XKR4: variants seen among roughly 807,000 people sequenced by gnomAD.
The protein encoded by XKR4 is XK related 4, also known as XK-related protein 4.
A neutral mutation model predicts 53.9 loss-of-function variants in XKR4; 12 were observed. That is an observed-to-expected ratio of 0.22 (90% CI 0.14 to 0.36). The LOEUF is 0.36. Ranked by LOEUF, XKR4 falls within the 10% of genes least tolerant of loss-of-function variation. XKR4 has a pLI of 1.00. For missense variants in XKR4, 799 were observed against 859.5 expected (o/e 0.93, Z 0.88); for synonymous variants, 354 against 362.4 (o/e 0.98, Z 0.26).
chr8:55,244,573 G>T (rs573930311), intron 1 of XKR4, among the ~76,000 whole-genome samples: 1 of 152,116 alleles, frequency 6.6e-6, no homozygotes, highest in Non-Finnish European at 1.5e-5. Flanking sequence ...ATTCCTTTGC[G>T]TATATACCTA....
intron 2 of XKR4, among the ~76,000 whole-genome samples, chr8:55,522,252 A>C (rs1206207904): frequency 1.3e-5 from 2 of 152,262 alleles, no homozygotes; most frequent in African/African-American, 4.8e-5. Flanking sequence ...AATACCAACC[A>C]AATGGGACCA....
chr8:55,243,982 A>G (rs990065940), intron 1 of XKR4, among the ~76,000 whole-genome samples: 3 of 152,228 alleles, frequency 2.0e-5, no homozygotes, highest in African/African-American at 7.2e-5. Flanking sequence ...CATTTAGGAA[A>G]AAGTAGTCAG....
chr8:55,342,683 A>T (rs1803572264), intron 1 of XKR4, among the ~76,000 whole-genome samples: 1 of 152,144 alleles, frequency 6.6e-6, no homozygotes, highest in Admixed American at 6.6e-5. Flanking sequence ...TTAAACGAAG[A>T]GGGCTTGCTT....
intron 1 of XKR4, among the ~76,000 whole-genome samples, chr8:55,245,821 G>A (rs1442970167): frequency 1.3e-5 from 2 of 152,122 alleles, no homozygotes; most frequent in Non-Finnish European, 2.9e-5. Context: ...TAGGCTGGGT[G>A]CCATGGCTCA....
At chr8:55,168,242 T>C (rs528110661) in intron 1 of XKR4, among the ~76,000 whole-genome samples, 1 of 152,300 alleles carries the variant, frequency 6.6e-6, no homozygotes, top group East Asian at 1.9e-4. Context: ...AGTGGGACCC[T>C]GAGTAGAAGA....
intron 1 of XKR4, among the ~76,000 whole-genome samples, chr8:55,237,462 A>G (rs540798757): frequency 2.0e-5 from 3 of 152,352 alleles, no homozygotes; most frequent in African/African-American, 7.2e-5. Flanking sequence ...TATACTTGCT[A>G]TTCATTGAGT....
intron 2 of XKR4, among the ~76,000 whole-genome samples, chr8:55,520,585 C>A (rs1463026204): frequency 6.6e-6 from 1 of 152,146 alleles, no homozygotes; most frequent in African/African-American, 2.4e-5. Context: ...CTCAAAAAAT[C>A]ATCATCATCA....
intron 1 of XKR4, among the ~76,000 whole-genome samples, chr8:55,180,993 A>G (rs1817302828): frequency 1.3e-5 from 2 of 152,234 alleles, no homozygotes; most frequent in South Asian, 4.1e-4. Flanking sequence ...GATGGTATCA[A>G]TGCAAATTGA....
At chr8:55,262,720 C>A (rs901383401) in intron 1 of XKR4, among the ~76,000 whole-genome samples, 3 of 152,146 alleles carry the variant, frequency 2.0e-5, no homozygotes, top group African/African-American at 2.4e-5. Flanking sequence ...AGCCACACAC[C>A]CTGTGGTGCT....
chr8:55,447,485 G>A (rs1441793156), intron 2 of XKR4, among the ~76,000 whole-genome samples: 1 of 152,188 alleles, frequency 6.6e-6, no homozygotes, highest in East Asian at 1.9e-4. Context: ...CATAATAACA[G>A]GGGTGGAAGT....
At chr8:55,165,830 A>G (rs1031562238) in intron 1 of XKR4, among the ~76,000 whole-genome samples, 2 of 152,000 alleles carry the variant, frequency 1.3e-5, no homozygotes, top group South Asian at 4.1e-4. Flanking sequence ...AAAAAAAAAG[A>G]AAAAGAAAAT....
At chr8:55,450,275 C>T (rs1020777928) in intron 2 of XKR4, 89 of 700,884 alleles carry the variant, frequency 1.3e-4, no homozygotes, top group South Asian at 3.4e-5. Flanking sequence ...GTTCCCCGAG[C>T]CAGTTCCCAG....
intron 2 of XKR4, among the ~76,000 whole-genome samples, chr8:55,383,945 G>A (rs755853983): frequency 1.6e-4 from 24 of 152,088 alleles, no homozygotes; most frequent in Non-Finnish European, 3.1e-4. Flanking sequence ...ATAGTCCCAC[G>A]TTCTGGCTTA....
intron 2 of XKR4, chr8:55,452,878 G>T: frequency 2.6e-6 from 2 of 777,306 alleles, no homozygotes; most frequent in South Asian, 1.3e-5. Flanking sequence ...AGAGGCAGCA[G>T]GAGGTAGCTC....
intron 1 of XKR4, among the ~76,000 whole-genome samples, chr8:55,239,027 T>A (rs181531769): frequency 6.6e-6 from 1 of 152,300 alleles, no homozygotes; most frequent in East Asian, 1.9e-4. Flanking sequence ...AAATTTAAGT[T>A]CATCTTTCCA....
chr8:55,159,830 T>C (rs935959683), intron 1 of XKR4, among the ~76,000 whole-genome samples: 6 of 152,244 alleles, frequency 3.9e-5, no homozygotes, highest in Non-Finnish European at 7.3e-5. Context: ...TAGAGATACA[T>C]GCGAGGCTAG....
chr8:55,361,300 G>A (rs1353991502), intron 2 of XKR4, among the ~76,000 whole-genome samples: 1 of 152,074 alleles, frequency 6.6e-6, no homozygotes, highest in Non-Finnish European at 1.5e-5. Flanking sequence ...GGAGAGGAGG[G>A]CAGGCAGGAA....
In XKR4 at chr8:55,102,300, C is replaced by A; in HGVS notation, c.-189C>A. The A allele has an allele frequency of 1.3e-6, 1 of 786,860 alleles. No homozygotes were observed. Among genetic ancestry groups the A allele is most frequent in the Non-Finnish European group, 1.5e-6 (1 of 646,594 alleles). 48.7% of individuals were successfully genotyped at this position (786,860 alleles called of 1,614,324 possible). On this transcript the variant is annotated 5_prime_UTR_variant, in exon 1 of 3. Coordinates refer to ENST00000327381, the MANE Select transcript of XKR4 (RefSeq NM_052898.2). This position sits in a 1 kb window ranked among gnomAD's most constrained non-coding sequence, Gnocchi z 5.1. ...TGCCGGCCCCAGGCGCGCCGCTAGCCCGGCCCAGCGCCCAGCCCGGCGGGC... is the reference window on the plus strand; with the variant it reads ...TGCCGGCCCCAGGCGCGCCGCTAGCACGGCCCAGCGCCCAGCCCGGCGGGC...
intron 1 of XKR4, among the ~76,000 whole-genome samples, chr8:55,141,483 C>G (rs910414240): frequency 6.6e-6 from 1 of 151,986 alleles, no homozygotes; most frequent in Admixed American, 6.6e-5. Context: ...TAGGGTCACA[C>G]GAGTCAGAAA....
Sources: allele counts gnomAD v4.1 joint callset (sites outside exome capture counted in the v4.1 genomes callset), GRCh38; gene constraint gnomAD v4.1.1; non-coding constraint Gnocchi (gnomAD v3.1); transcripts MANE v1.5; gene names NCBI Gene and HGNC (gene_info 2026-07-23, HGNC 2026-07-21).